The following RAPGEF4 variants were observed in gnomAD, a reference collection of about 807,000 sequenced individuals.
RAPGEF4 encodes Rap guanine nucleotide exchange factor 4, also known as RAP guanine-nucleotide-exchange factor (GEF) 4.
A neutral mutation model predicts 147.9 loss-of-function variants in RAPGEF4; 66 were observed. The ratio of observed to expected loss-of-function variants is 0.45; its 90% CI spans 0.37 to 0.55. The LOEUF (loss-of-function observed/expected upper bound fraction) is 0.55. RAPGEF4 is among the 20% of genes least tolerant of loss of function. The pLI is 0.00. For missense variants in RAPGEF4, 1,071 were observed against 1,257.3 expected (o/e 0.85, Z 2.24); for synonymous variants, 419 against 442.7 (o/e 0.95, Z 0.67).
At chr2:172,956,729 C>T (rs1427241890) in intron 6 of RAPGEF4, among the ~76,000 whole-genome samples, 1 of 152,204 alleles carries the variant, frequency 6.6e-6, no homozygotes, top group Non-Finnish European at 1.5e-5. Flanking sequence ...CTCAGCCTCC[C>T]AAAGTGCCGG....
chr2:172,898,428 C>T (rs921604970), intron 4 of RAPGEF4, among the ~76,000 whole-genome samples: 16 of 152,006 alleles, frequency 1.1e-4, no homozygotes, highest in Non-Finnish European at 2.1e-4. Flanking sequence ...TGCTTTTTTG[C>T]CCCCCACCAT....
chr2:172,939,431 G>T (rs574162606), intron 6 of RAPGEF4, among the ~76,000 whole-genome samples: 1 of 152,132 alleles, frequency 6.6e-6, no homozygotes, highest in African/African-American at 2.4e-5. Context: ...CTTTTCATAT[G>T]CTGTTTGCCA....
chr2:172,918,624 C>G (rs1025829097), intron 5 of RAPGEF4, among the ~76,000 whole-genome samples: 8 of 152,154 alleles, frequency 5.3e-5, no homozygotes, highest in South Asian at 4.2e-4. Flanking sequence ...CCACTAAACT[C>G]AAAGAAACCC....
chr2:173,015,594 G>A (rs902896022), intron 18 of RAPGEF4, among the ~76,000 whole-genome samples: 7 of 152,168 alleles, frequency 4.6e-5, no homozygotes, highest in African/African-American at 1.7e-4. Flanking sequence ...GTAGCTTGGG[G>A]TCATACATTG....
At chr2:173,022,454 A>C (rs1575542507) in intron 23 of RAPGEF4, among the ~76,000 whole-genome samples, 1 of 142,898 alleles carries the variant, frequency 7.0e-6, no homozygotes, top group African/African-American at 2.5e-5. Context: ...TACCTGCCTC[A>C]CATAACTGTG....
intron 24 of RAPGEF4, 55 bp from the exon 25 acceptor site, chr2:173,027,026 G>A: frequency 6.9e-7 from 1 of 1,444,380 alleles, no homozygotes; most frequent in Non-Finnish European, 9.3e-7. Flanking sequence ...AGAGAAACCT[G>A]CTGGTGTTTT....
At chr2:172,810,394 T>C (rs1005740573) in intron 3 of RAPGEF4, among the ~76,000 whole-genome samples, 22 of 152,246 alleles carry the variant, frequency 1.4e-4, no homozygotes, top group African/African-American at 5.3e-4. Flanking sequence ...GGCATCGTCA[T>C]TGAGACACTT....
rs112411597 is a variant in RAPGEF4 at position 173,018,836 on chromosome 2, A to G, written c.2155+34A>G. ...CTTAATTCATATTTTAGGCTCTGCA[A>G]AATGGGACATTCCATCCAAGCAGAA... On this transcript the variant is annotated intron_variant, in intron 22 of 30. Coordinates refer to ENST00000397081, the MANE Select transcript of RAPGEF4 (RefSeq NM_007023.4). The G allele has an allele frequency of 1.4e-5, 23 of 1,602,204 alleles. No homozygotes were observed. The African/African-American group carries it at 1.5e-4, about 10-fold the overall frequency.
chr2:173,028,932 C>T (rs1696918613), intron 25 of RAPGEF4, among the ~76,000 whole-genome samples: 1 of 152,206 alleles, frequency 6.6e-6, no homozygotes, highest in Non-Finnish European at 1.5e-5. Flanking sequence ...TCATGACTTA[C>T]ATAGGGTAAT....
intron 4 of RAPGEF4, among the ~76,000 whole-genome samples, chr2:172,867,801 G>C (rs1384903858): frequency 6.6e-6 from 1 of 152,210 alleles, no homozygotes; most frequent in African/African-American, 2.4e-5. Context: ...AGGTAAAGGA[G>C]TTAATGTTTA....
At chr2:172,984,802 T>C (rs1232230500) in intron 11 of RAPGEF4, among the ~76,000 whole-genome samples, 1 of 152,110 alleles carries the variant, frequency 6.6e-6, no homozygotes, top group African/African-American at 2.4e-5. Context: ...ATTGAGAGGA[T>C]TGTGGGTAGT....
intron 10 of RAPGEF4, among the ~76,000 whole-genome samples, chr2:172,972,029 G>A (rs1183103844): frequency 3.7e-5 from 5 of 134,118 alleles, no homozygotes; most frequent in East Asian, 5.3e-4. Context: ...GCTATAGGGC[G>A]TAAAGTTGAA....
intron 4 of RAPGEF4, among the ~76,000 whole-genome samples, chr2:172,836,141 T>C (rs1049090031): frequency 3.9e-5 from 6 of 152,224 alleles, no homozygotes; most frequent in African/African-American, 1.4e-4. Flanking sequence ...TTTTTTTAGA[T>C]GCAAATTAGT....
At chr2:172,992,849 A>T (rs1692960587) in intron 15 of RAPGEF4, among the ~76,000 whole-genome samples, 1 of 152,194 alleles carries the variant, frequency 6.6e-6, no homozygotes, top group African/African-American at 2.4e-5. Context: ...TCCCTGAAGA[A>T]TGAAAAGCTG....
rs377577197 is a variant in RAPGEF4 at position 172,797,655 on chromosome 2, T to A, written c.297+42T>A. 4,483 of 1,440,030 alleles carry A rather than the reference T, an allele frequency of 3.1e-3. 14 individuals are homozygous for A. The highest frequency in any genetic ancestry group is 4.0e-3 in the Non-Finnish European group (4,092 of 1,035,106). The allele number at this position is 1,440,030 out of a possible 1,614,324, so 89.2% of individuals were successfully genotyped here. A position where few individuals can be genotyped will look rare whatever the true frequency, so the allele number is the denominator to read the frequency against. Reference sequence around the variant, plus strand: ...TTTTGAAAGTAGGATTTATTTTTTTTAAAGACTTATTATCCCTATGTCTTT... The same window carrying A: ...TTTTGAAAGTAGGATTTATTTTTTTAAAAGACTTATTATCCCTATGTCTTT... On this transcript the variant is annotated intron_variant, in intron 3 of 30. Coordinates refer to ENST00000397081, the MANE Select transcript of RAPGEF4 (RefSeq NM_007023.4).
intron 6 of RAPGEF4, among the ~76,000 whole-genome samples, chr2:172,958,919 G>T (rs1689004473): frequency 1.3e-5 from 2 of 151,986 alleles, no homozygotes; most frequent in Non-Finnish European, 2.9e-5. Flanking sequence ...ATTTAAAAAG[G>T]TATATATTTA....
chr2:173,036,186 T>C lies in RAPGEF4; in HGVS notation c.2762T>C (p.Ile921Thr), dbSNP rs1683982177. The C allele has an allele frequency of 1.2e-6, 2 of 1,612,032 alleles. No homozygotes were observed. The highest frequency in any genetic ancestry group is 1.7e-6 in the Non-Finnish European group (2 of 1,178,636). ...GTAGCTAAGCTGGAACCTCCTCTCATCCCCTTCATGCCTTTGCTCATTAAA... is the reference window on the plus strand; with the variant it reads ...GTAGCTAAGCTGGAACCTCCTCTCACCCCCTTCATGCCTTTGCTCATTAAA... ...LTVAKLEPPL[I>T]PFMPLLIKDM... Residue 921 changes from isoleucine (I) to threonine (T), a missense_variant, in exon 28 of 31, where the codon ATC becomes ACC. Ile to Thr is a moderately conservative substitution (Grantham distance 89, BLOSUM62 -1). Transcript: ENST00000397081.
At chr2:172,945,400 C>T (rs1186155572) in intron 6 of RAPGEF4, among the ~76,000 whole-genome samples, 3 of 151,976 alleles carry the variant, frequency 2.0e-5, no homozygotes, top group East Asian at 1.9e-4. Flanking sequence ...TACTACTGCC[C>T]TCAGGTTTCT....
intron 4 of RAPGEF4, among the ~76,000 whole-genome samples, chr2:172,845,744 T>G (rs1195831656): frequency 6.6e-6 from 1 of 152,250 alleles, no homozygotes; most frequent in Non-Finnish European, 1.5e-5. Flanking sequence ...TCAGTGGCAT[T>G]AAGTTCATTC....
Sources: gnomAD v4.1 joint callset for allele counts (sites outside exome capture counted in the v4.1 genomes callset) on GRCh38, gnomAD v4.1.1 for gene constraint, MANE v1.5 for transcripts, NCBI Gene and HGNC (gene_info 2026-07-23, HGNC 2026-07-21) for gene names.